The following GRM1 variants were observed in gnomAD, a reference collection of about 807,000 sequenced individuals.
GRM1 encodes the protein glutamate metabotropic receptor 1, also known as metabotropic glutamate receptor 1.
Under a neutral mutation model 90.9 loss-of-function variants are expected in GRM1, and 33 were observed. That is an observed-to-expected ratio of 0.36 (90% CI 0.28 to 0.49). The LOEUF is 0.49. Among genes scored for constraint, GRM1 ranks in the 20% least tolerant of loss-of-function variants. The pLI, the probability that GRM1 is intolerant of heterozygous loss-of-function variation, is 0.99. For missense variants in GRM1, 1,190 were observed against 1,534.3 expected, an observed-to-expected ratio of 0.78 and a Z score of 3.75; for synonymous variants, 700 against 613.2, an observed-to-expected ratio of 1.14 and a Z score of -2.09.
At chr6:146,303,923 G>C (rs1404866168) in intron 2 of GRM1, among the ~76,000 whole-genome samples, 1 of 152,156 alleles carries the variant, frequency 6.6e-6, no homozygotes, top group Non-Finnish European at 1.5e-5. Context: ...GTTCTAGAAG[G>C]TGATCACATT....
At chr6:146,130,433 T>C (rs1776359219) in intron 1 of GRM1, among the ~76,000 whole-genome samples, 1 of 152,146 alleles carries the variant, frequency 6.6e-6, no homozygotes. Flanking sequence ...AAAGTGAATA[T>C]TGAACAGTTG....
chr6:146,268,410 A>T (rs924699413), intron 2 of GRM1, among the ~76,000 whole-genome samples: 1 of 152,124 alleles, frequency 6.6e-6, no homozygotes, highest in African/African-American at 2.4e-5. Context: ...GGTAGGAGCA[A>T]TATTGCTCTA....
chr6:146,401,452 A>G (rs920162666), intron 7 of GRM1, among the ~76,000 whole-genome samples: 1 of 152,186 alleles, frequency 6.6e-6, no homozygotes, highest in Non-Finnish European at 1.5e-5. Flanking sequence ...CAATTAGTCC[A>G]GATGTAAAAT....
At chr6:146,246,740 G>A (rs1781072928) in intron 2 of GRM1, among the ~76,000 whole-genome samples, 1 of 152,098 alleles carries the variant, frequency 6.6e-6, no homozygotes, top group Non-Finnish European at 1.5e-5. Flanking sequence ...ATAATAGCAG[G>A]TTCTTGATAC....
chr6:146,271,066 A>G (rs1384069936), intron 2 of GRM1, among the ~76,000 whole-genome samples: 1 of 148,494 alleles, frequency 6.7e-6, no homozygotes, highest in African/African-American at 2.5e-5. Flanking sequence ...GTTCAGTGGC[A>G]TGATCTCAGC....
chr6:146,286,345 A>C (rs574029607), intron 2 of GRM1, among the ~76,000 whole-genome samples: 6 of 152,306 alleles, frequency 3.9e-5, no homozygotes, highest in Admixed American at 3.9e-4. Flanking sequence ...TTATGAAATG[A>C]TATTTTATTT....
chr6:146,304,839 C>T lies in GRM1; in HGVS notation c.1179C>T (p.Ile393=). ...TGGAAAATCCCAACTTTAAACGAAT[C>T]TGCACAGGTAACTCATGTTCACAAA... ...HLLENPNFKR[I]CTGNESLEEN... Residue 393 remains isoleucine (I), a synonymous_variant, in exon 3 of 8, where the codon ATC becomes ATT. Transcript: ENST00000282753. 1.3e-6 allele frequency: 2 copies of T among 1,599,826 alleles called. No individual in the cohort carries two copies. The highest frequency in any genetic ancestry group is 2.7e-5 in the African/African-American group (2 of 74,712).
intron 2 of GRM1, among the ~76,000 whole-genome samples, chr6:146,168,420 T>C (rs1777987210): frequency 6.6e-6 from 1 of 152,022 alleles, no homozygotes; most frequent in South Asian, 2.1e-4. Flanking sequence ...ATGTATTTTA[T>C]TTCTATATCT....
intron 1 of GRM1, among the ~76,000 whole-genome samples, chr6:146,094,232 T>C (rs13204280): frequency 0.4 from 60,642 of 151,968 alleles, 12,495 homozygotes; most frequent in Middle Eastern, 0.54. Flanking sequence ...TATGAGAATG[T>C]AGCACAAAAT....
At chr6:146,080,168 T>G (rs1776316270) in intron 1 of GRM1, among the ~76,000 whole-genome samples, 1 of 152,208 alleles carries the variant, frequency 6.6e-6, no homozygotes, top group Admixed American at 6.5e-5. Context: ...GATTTGACTC[T>G]GTTACTGTGT....
At chr6:146,203,540 C>CT (rs753847024) in intron 2 of GRM1, among the ~76,000 whole-genome samples, 17 of 152,184 alleles carry the variant, frequency 1.1e-4, no homozygotes, top group Non-Finnish European at 2.4e-4. Flanking sequence ...GATGTAGACT[C>CT]TGACTAGATA....
chr6:146,075,634 A>C (rs1776159499), intron 1 of GRM1, among the ~76,000 whole-genome samples: 1 of 152,208 alleles, frequency 6.6e-6, no homozygotes, highest in South Asian at 2.1e-4. Flanking sequence ...GAATAATTTA[A>C]AATAATAGAA....
intron 2 of GRM1, among the ~76,000 whole-genome samples, chr6:146,164,771 G>A (rs1777850016): frequency 6.6e-6 from 1 of 152,044 alleles, no homozygotes; most frequent in Non-Finnish European, 1.5e-5. Flanking sequence ...TTTGCCTAGT[G>A]TTGGCATTAT....
chr6:146,350,914 T>C (rs1029015729), intron 3 of GRM1, among the ~76,000 whole-genome samples: 5 of 152,234 alleles, frequency 3.3e-5, no homozygotes, highest in Admixed American at 2.6e-4. Context: ...CTTCTTCCCC[T>C]TTAACCTAGC....
At chr6:146,422,552 A>G (rs559450758) in intron 7 of GRM1, among the ~76,000 whole-genome samples, 6 of 152,292 alleles carry the variant, frequency 3.9e-5, no homozygotes, top group Admixed American at 2.6e-4. Flanking sequence ...TTTTTCAACA[A>G]TCCTTCTTTA....
chr6:146,054,662 C>T (rs968365947), intron 1 of GRM1, among the ~76,000 whole-genome samples: 18 of 152,050 alleles, frequency 1.2e-4, no homozygotes, highest in African/African-American at 3.6e-4. Context: ...ACATTTTAGA[C>T]GGTTGTTAGA....
At chr6:146,116,623 CT>C (rs1276309399) in intron 1 of GRM1, among the ~76,000 whole-genome samples, 1 of 152,036 alleles carries the variant, frequency 6.6e-6, no homozygotes, top group East Asian at 1.9e-4. Context: ...GTTTCACATG[CT>C]TTTATAGAAT....
intron 3 of GRM1, 141 bp downstream of exon 3, chr6:146,304,987 AT>A: frequency 1.4e-6 from 1 of 710,880 alleles, no homozygotes. Context: ...AAATGCTAGA[AT>A]AAGGAGGAAT....
At position 146,437,179 on chromosome 6, in the gene GRM1, T is replaced by C. The variant is rs1458879449; in HGVS notation, c.*2383T>C. 1 of 152,190 alleles carries C rather than the reference T, an allele frequency of 6.6e-6. No homozygotes were observed. Among genetic ancestry groups the C allele is most frequent in the Non-Finnish European group, 1.5e-5 (1 of 68,018 alleles). The allele number at this position is 152,190 out of a possible 1,614,324, so 9.4% of individuals were successfully genotyped here. A position where few individuals can be genotyped will look rare whatever the true frequency, so the allele number is the denominator to read the frequency against. ...TTATTAGTGAATCATGCTTATTTTT[T>C]ACTCTTAATGCCACTAATATACATC... On this transcript the variant is annotated 3_prime_UTR_variant, in exon 8 of 8. Transcript: ENST00000282753.
Sources: allele counts gnomAD v4.1 joint callset (sites outside exome capture counted in the v4.1 genomes callset), GRCh38; gene constraint gnomAD v4.1.1; transcripts MANE v1.5; gene names NCBI Gene and HGNC (gene_info 2026-07-23, HGNC 2026-07-21).